YLPM1: variants seen among roughly 807,000 people sequenced by gnomAD.
The protein encoded by YLPM1 is YLP motif-containing protein 1.
A neutral mutation model predicts 230.0 loss-of-function variants in YLPM1; 99 were observed. The ratio of observed to expected loss-of-function variants is 0.43; its 90% CI spans 0.37 to 0.51. YLPM1 has a LOEUF of 0.51. YLPM1 is among the 20% of genes least tolerant of loss of function. YLPM1 has a pLI of 0.00. For synonymous variants in YLPM1, 984 were observed against 942.5 expected (o/e 1.04, Z -0.81); for missense variants, 2,592 against 2,707.7 (o/e 0.96, Z 0.95).
intron 16 of YLPM1, among the ~76,000 whole-genome samples, chr14:74,819,954 G>C (rs148546334): frequency 2.6e-5 from 4 of 151,990 alleles, no homozygotes; most frequent in African/African-American, 9.7e-5. Context: ...GAATCTTTCC[G>C]GTAGCTTAGA....
rs1220109380 is a variant in YLPM1 at position 74,812,739 on chromosome 14, A to G, written c.5459A>G (p.Asp1820Gly). The change falls in exon 11 of 21, where the codon GAC becomes GGC. Residue 1820 changes from aspartate (D) to glycine (G), a missense_variant. By Grantham distance (94) the Asp-to-Gly change is moderately conservative. Coordinates refer to ENST00000325680, the MANE Select transcript of YLPM1 (RefSeq NM_019589.3). ...VEKKPESKNVDDILKPPGRES... is the reference protein window; with the variant it reads ...VEKKPESKNVGDILKPPGRES... ...AAGAAGCCTGAATCAAAGAATGTGG[A>G]CGATATTTTGAAACCACCGGGCCGG... 6.2e-7 allele frequency: 1 copy of G among 1,613,668 alleles called. No homozygotes were observed. Among genetic ancestry groups the G allele is most frequent in the Admixed American group, 1.7e-5 (1 of 59,996 alleles).
In YLPM1 at chr14:74,763,633, G is replaced by A; in HGVS notation, c.144G>A (p.Ser48=). 1.3e-6 allele frequency: 2 copies of A among 1,587,668 alleles called. No individual in the cohort carries two copies. Among genetic ancestry groups the A allele is most frequent in the Middle Eastern group, 1.7e-4 (1 of 5,986 alleles). ...CGACTCCCGCGGCCCCCTCCTCCTC[G>A]GGCTTCATGAGCTTCCGCGAACAGC... ...SSTTPAAPSS[S]GFMSFREQHL... Residue 48 remains serine, a synonymous_variant, in exon 1 of 21, where the codon TCG becomes TCA. Transcript: ENST00000325680.
intron 2 of YLPM1, 128 bp from the exon 3 acceptor site, chr14:74,780,277 G>A: frequency 8.5e-7 from 1 of 1,173,892 alleles, no homozygotes. Flanking sequence ...AAAAAGAACT[G>A]AAGATACTGT....
In YLPM1 at chr14:74,781,985, G is replaced by T; in HGVS notation, c.1942G>T (p.Ala648Ser). 6.2e-7 allele frequency: 1 copy of T among 1,613,614 alleles called. No individual in the cohort carries two copies. The highest frequency in any genetic ancestry group is 2.2e-5 in the East Asian group (1 of 44,880). ...VPQGIPPQLTAAPVPPASSSQ... is the reference protein window; with the variant it reads ...VPQGIPPQLTSAPVPPASSSQ... ...ACAAGGGATACCTCCTCAGTTAACA[G>T]CAGCCCCAGTTCCACCAGCCTCCAG... is the stretch of plus-strand genomic sequence containing the variant. Residue 648 changes from alanine (A) to serine (S), a missense_variant, in exon 4 of 21, where the codon GCA (alanine) becomes TCA (serine). Physicochemically the swap from Ala to Ser is moderately conservative, Grantham distance 99 (BLOSUM62 1). This residue lies in a region of YLPM1 where 1,862 missense variants were observed against 1,819.8 expected (regional missense o/e 1.02). Coordinates refer to ENST00000325680, the MANE Select transcript of YLPM1 (RefSeq NM_019589.3).
chr14:74,780,404 G>A lies in YLPM1; in HGVS notation c.1111-1G>A. 6.2e-7 allele frequency: 1 copy of A among 1,609,482 alleles called. No individual in the cohort carries two copies. The highest frequency in any genetic ancestry group is 8.5e-7 in the Non-Finnish European group (1 of 1,177,702). ...AAAGATGTGTCCTCTTTTATCTTTA[G>A]TCTGAGGACCCAGAAGAAGATGCCA... On this transcript the variant is annotated splice_acceptor_variant, in intron 2 of 20. Coordinates refer to ENST00000325680, the MANE Select transcript of YLPM1 (RefSeq NM_019589.3). LOFTEE classifies it high-confidence loss of function.
chr14:74,828,710 T>G (rs1171102792), intron 18 of YLPM1, among the ~76,000 whole-genome samples: 3 of 149,416 alleles, frequency 2.0e-5, no homozygotes, highest in Non-Finnish European at 4.5e-5. Flanking sequence ...GCAACCAAAA[T>G]CCAAAAAAAA....
intron 1 of YLPM1, among the ~76,000 whole-genome samples, chr14:74,768,074 T>C (rs2090930979): frequency 6.6e-6 from 1 of 152,216 alleles, no homozygotes; most frequent in Admixed American, 6.5e-5. Context: ...GGTGATTTTT[T>C]TTTTCTGCCA....
At chr14:74,800,091 A>G (rs1356799024) in intron 5 of YLPM1, among the ~76,000 whole-genome samples, 2 of 152,214 alleles carry the variant, frequency 1.3e-5, no homozygotes, top group Non-Finnish European at 2.9e-5. Flanking sequence ...ATATTCACTA[A>G]TCATTGATAA....
At chr14:74,764,614 G>A (rs2090893194) in intron 1 of YLPM1, among the ~76,000 whole-genome samples, 1 of 152,224 alleles carries the variant, frequency 6.6e-6, no homozygotes, top group African/African-American at 2.4e-5. Context: ...TTACCTCTCA[G>A]ATACATTCCT....
chr14:74,793,261 A>AT (rs933270061), intron 4 of YLPM1, among the ~76,000 whole-genome samples: 4 of 150,578 alleles, frequency 2.7e-5, no homozygotes, highest in East Asian at 3.9e-4. Flanking sequence ...TTCTTCATTC[A>AT]TTTTTTTTCT....
intron 19 of YLPM1, among the ~76,000 whole-genome samples, chr14:74,834,622 A>T (rs1287414802): frequency 6.6e-6 from 1 of 152,232 alleles, no homozygotes; most frequent in African/African-American, 2.4e-5. Context: ...GACTCATGCC[A>T]AGTGGATAAG....
intron 10 of YLPM1, 38 bp from the exon 11 acceptor site, chr14:74,812,590 C>T: frequency 1.3e-5 from 20 of 1,585,306 alleles, no homozygotes; most frequent in Non-Finnish European, 1.7e-5. Flanking sequence ...AATAATTACT[C>T]TACAAATAGT....
At chr14:74,795,154 T>C (rs779149602) in intron 4 of YLPM1, among the ~76,000 whole-genome samples, 2 of 152,200 alleles carry the variant, frequency 1.3e-5, no homozygotes, top group Non-Finnish European at 2.9e-5. Context: ...TATTGTGCAA[T>C]AGTCACTCAA....
chr14:74,799,008 T>C lies in YLPM1; in HGVS notation c.3711T>C (p.Asp1237=). 3 of 1,613,852 alleles carry C rather than the reference T, an allele frequency of 1.9e-6. No homozygotes were observed. Among genetic ancestry groups the C allele is most frequent in the Non-Finnish European group, 1.7e-6 (2 of 1,179,842 alleles). The change falls in exon 5 of 21, where the codon GAT becomes GAC. Residue 1237 remains aspartate, a synonymous_variant. Transcript: ENST00000325680. ...WRECERDYQD[D]TLELYNREDR... is the part of the protein sequence containing the mutation. ...AATGTGAACGTGACTATCAAGATGA[T>C]ACACTAGAGCTCTATAACAGAGAGG...
At chr14:74,787,972 A>T (rs2091165634) in intron 4 of YLPM1, among the ~76,000 whole-genome samples, 1 of 152,018 alleles carries the variant, frequency 6.6e-6, no homozygotes, top group Non-Finnish European at 1.5e-5. Context: ...GCACCACTGT[A>T]CTCCAGCCTG....
chr14:74,798,853 GA>G lies in YLPM1; in HGVS notation c.3557del (p.Asp1186ValfsTer21). On this transcript the variant is annotated frameshift_variant, in exon 5 of 21. Transcript: ENST00000325680. LOFTEE classifies it high-confidence loss of function. Reference sequence around the variant, plus strand: ...GGAAAAAATGTATCCATATCACCGGGATGAGCCTCCTAGGGCTCCATGGAAC... The same window carrying G: ...GGAAAAAATGTATCCATATCACCGGGTGAGCCTCCTAGGGCTCCATGGAAC... ...GGEKMYPYHRDEPPRAPWNHG... is the reference protein window; with the variant it reads ...GGEKMYPYHRXEPPRAPWNHG... 1 of 1,613,890 alleles carries G rather than the reference GA, an allele frequency of 6.2e-7. No homozygotes were observed. Among genetic ancestry groups the G allele is most frequent in the South Asian group, 1.1e-5 (1 of 91,078 alleles).
intron 11 of YLPM1, among the ~76,000 whole-genome samples, chr14:74,813,811 G>A (rs970730587): frequency 2.0e-5 from 3 of 152,068 alleles, no homozygotes; most frequent in East Asian, 1.9e-4. Context: ...TTGTTTATTC[G>A]TCTTGTATCC....
intron 9 of YLPM1, among the ~76,000 whole-genome samples, chr14:74,811,081 C>T (rs933804222): frequency 3.9e-5 from 6 of 152,120 alleles, no homozygotes; most frequent in Admixed American, 1.3e-4. Context: ...CCTGCCTCGG[C>T]CTTCCGAAGT....
rs750660754 is a variant in YLPM1, at chr14:74,811,746, G to C, written c.5347+8G>C. On this transcript the variant is annotated splice_region_variant and intron_variant, in intron 10 of 20. Transcript: ENST00000325680. Reference sequence around the variant, plus strand: ...GACCATCCATGTTTGGAGGTAGAGTGATGCCTTATTAACTACAAGGATGTT... The same window carrying C: ...GACCATCCATGTTTGGAGGTAGAGTCATGCCTTATTAACTACAAGGATGTT... The C allele has an allele frequency of 6.4e-7, 1 of 1,553,544 alleles. No homozygotes were observed. The highest frequency in any genetic ancestry group is 1.2e-5 in the South Asian group (1 of 84,210).
Sources: allele counts gnomAD v4.1 joint callset (sites outside exome capture counted in the v4.1 genomes callset), GRCh38; gene constraint gnomAD v4.1.1; regional missense constraint gnomAD v4.1.1; transcripts MANE v1.5; gene names NCBI Gene and HGNC (gene_info 2026-07-23, HGNC 2026-07-21).